The following SDC3 variants were observed in gnomAD, a reference collection of about 807,000 sequenced individuals.
SDC3 encodes the protein syndecan 3.
In SDC3, 13 loss-of-function variants were observed where a neutral mutation model predicts 24.4. The observed-to-expected ratio is 0.53, with a 90% confidence interval of 0.35 to 0.85. The LOEUF is 0.85. Among genes scored for constraint, SDC3 ranks in the 40% least tolerant of loss-of-function variants. The pLI is 0.01. For missense variants in SDC3, 571 were observed against 584.5 expected, an observed-to-expected ratio of 0.98 and a Z score of 0.24; for synonymous variants, 295 against 260.9, an observed-to-expected ratio of 1.13 and a Z score of -1.26.
intron 1 of SDC3, among the ~76,000 whole-genome samples, chr1:30,886,108 C>T (rs1393871643): frequency 6.6e-6 from 1 of 152,016 alleles, no homozygotes; most frequent in Non-Finnish European, 1.5e-5. Context: ...ACCCCACTCC[C>T]AGCTGCCCAC....
At chr1:30,901,177 G>T (rs1015044474) in intron 1 of SDC3, among the ~76,000 whole-genome samples, 1 of 152,174 alleles carries the variant, frequency 6.6e-6, no homozygotes, top group Non-Finnish European at 1.5e-5. Flanking sequence ...CTCAAGAGTG[G>T]TGGGAGGCTC....
chr1:30,900,456 A>C (rs1388957608), intron 1 of SDC3, among the ~76,000 whole-genome samples: 1 of 152,200 alleles, frequency 6.6e-6, no homozygotes, highest in East Asian at 1.9e-4. Context: ...GGCATTAAGC[A>C]AGGGGTGGAT....
intron 1 of SDC3, among the ~76,000 whole-genome samples, chr1:30,886,658 C>T (rs1036579693): frequency 2.0e-5 from 3 of 152,148 alleles, no homozygotes; most frequent in Admixed American, 6.5e-5. Flanking sequence ...TCAGTGAACT[C>T]CTGAACCCCT....
chr1:30,894,588 CGTGTGTGTGG>C (rs763253248), intron 1 of SDC3, among the ~76,000 whole-genome samples: 1 of 100,820 alleles, frequency 9.9e-6, no homozygotes, highest in South Asian at 3.5e-4. Context: ...GTGTGGGCTA[CGTGTGTGTGG>C]GTGTGTGTGG....
intron 1 of SDC3, among the ~76,000 whole-genome samples, chr1:30,897,523 T>C (rs1638297957): frequency 6.6e-6 from 1 of 152,114 alleles, no homozygotes; most frequent in Non-Finnish European, 1.5e-5. Flanking sequence ...AACAGATCCA[T>C]GTGGAAGCCA....
intron 1 of SDC3, among the ~76,000 whole-genome samples, chr1:30,887,081 C>T (rs1267539035): frequency 6.6e-6 from 1 of 152,172 alleles, no homozygotes; most frequent in Non-Finnish European, 1.5e-5. Context: ...CCACCTCACA[C>T]TCAGCTCCCT....
At position 30,877,286 on chromosome 1, in the gene SDC3, T is replaced by C. The variant is rs1240613880; in HGVS notation, c.257-121A>G. ...CCCAACCCCCTCTCTTTACCCAATT[T>C]TCCCAGAAAAGATGAGAGAAAGGAG... On this transcript the variant is annotated intron_variant, in intron 2 of 4. Coordinates refer to ENST00000339394, the MANE Select transcript of SDC3 (RefSeq NM_014654.4). The C allele has an allele frequency of 2.3e-6, 3 of 1,320,000 alleles. No individual in the cohort carries two copies. In the East Asian group the frequency reaches 7.5e-5, roughly 33 times the overall value. 81.8% of individuals were successfully genotyped at this position (1,320,000 alleles called of 1,614,324 possible).
At chr1:30,898,996 C>T (rs1638345576) in intron 1 of SDC3, among the ~76,000 whole-genome samples, 1 of 152,370 alleles carries the variant, frequency 6.6e-6, no homozygotes, top group African/African-American at 2.4e-5. Flanking sequence ...CTCACCACCA[C>T]CTAACGGGTC....
At chr1:30,888,381 C>T (rs1639861011) in intron 1 of SDC3, among the ~76,000 whole-genome samples, 1 of 152,172 alleles carries the variant, frequency 6.6e-6, no homozygotes, top group Admixed American at 6.5e-5. Context: ...GGTGAGGGGG[C>T]TCCAGGGACC....
rs1357062548 is a variant in SDC3, at chr1:30,869,690, C to A, written c.*3521G>T. 2.5e-6 allele frequency: 1 copy of A among 398,344 alleles called. No homozygotes were observed. The highest frequency in any genetic ancestry group is 2.1e-5 in the African/African-American group (1 of 48,510). 24.7% of individuals were successfully genotyped at this position (398,344 alleles called of 1,614,324 possible). A position where few individuals can be genotyped will look rare whatever the true frequency, so the allele number is the denominator to read the frequency against. On this transcript the variant is annotated 3_prime_UTR_variant, in exon 5 of 5. Transcript: ENST00000339394. Reference sequence around the variant, plus strand: ...TTATTTAAGGTTTTGGCCATGAACTCAGGACAGGTATGGTTAATAAACAGG... The same window carrying A: ...TTATTTAAGGTTTTGGCCATGAACTAAGGACAGGTATGGTTAATAAACAGG...
intron 1 of SDC3, among the ~76,000 whole-genome samples, chr1:30,907,135 C>A (rs1188402754): frequency 6.6e-6 from 1 of 152,204 alleles, no homozygotes; most frequent in Non-Finnish European, 1.5e-5. Flanking sequence ...GCTGGGCACC[C>A]AGTGTTGCTT....
At chr1:30,904,651 C>T (rs1638481584) in intron 1 of SDC3, among the ~76,000 whole-genome samples, 1 of 152,028 alleles carries the variant, frequency 6.6e-6, no homozygotes, top group Non-Finnish European at 1.5e-5. Flanking sequence ...AGTCACAGCC[C>T]CCAGTAGTGA....
Position 30,873,311 on chromosome 1 carries a change from C to A in SDC3, c.1229G>T (p.Arg410Leu), listed in dbSNP as rs767402418. 2 of 1,612,522 alleles carry A rather than the reference C, an allele frequency of 1.2e-6. No homozygotes were observed. The highest frequency in any genetic ancestry group is 1.7e-6 in the Non-Finnish European group (2 of 1,178,580). ...AAFLVTLLIY[R>L]MKKKDEGSYT... ...GCTGCCCTCATCCTTTTTCTTCATA[C>A]GATAGATGAGCAGTGTGACCAAGAA... The change falls in exon 5 of 5, where the codon CGT becomes CTT. Residue 410 changes from arginine (R) to leucine (L), a missense_variant. Transcript: ENST00000339394.
chr1:30,873,585 A>G (rs531748586), intron 4 of SDC3, among the ~76,000 whole-genome samples: 1 of 151,984 alleles, frequency 6.6e-6, no homozygotes, highest in African/African-American at 2.4e-5. Flanking sequence ...ACACTAACTC[A>G]CTGAACCCTC....
Position 30,873,000 on chromosome 1 carries a change from C to T in SDC3, c.*211G>A, listed in dbSNP as rs1039888254. On this transcript the variant is annotated 3_prime_UTR_variant, in exon 5 of 5. Transcript: ENST00000339394. Reference sequence around the variant, plus strand: ...GGATGAGGGGAACAAGAGATGAGCTCGTAAGGGCACAGTCTGGGGCAGATG... The same window carrying T: ...GGATGAGGGGAACAAGAGATGAGCTTGTAAGGGCACAGTCTGGGGCAGATG... 5.4e-5 allele frequency: 31 copies of T among 570,278 alleles called. No homozygotes were observed. The highest frequency in any genetic ancestry group is 2.0e-4 in the Admixed American group (6 of 30,654). 35.3% of individuals were successfully genotyped at this position (570,278 alleles called of 1,614,324 possible). A position where few individuals can be genotyped will look rare whatever the true frequency, so the allele number is the denominator to read the frequency against.
rs946390895 is a variant in SDC3 at position 30,878,615 on chromosome 1, G to C, written c.256+8C>G. The C allele has an allele frequency of 1.9e-6, 3 of 1,605,964 alleles. No homozygotes were observed. Among genetic ancestry groups the C allele is most frequent in the African/African-American group, 2.7e-5 (2 of 74,798 alleles). On this transcript the variant is annotated splice_region_variant and intron_variant, in intron 2 of 4. Coordinates refer to ENST00000339394, the MANE Select transcript of SDC3 (RefSeq NM_014654.4). ...CCCCCAGGCAGAGGTAGGGAGGGGG[G>C]TACTTACAGCCCGAGCCCGACCCCG...
intron 1 of SDC3, among the ~76,000 whole-genome samples, chr1:30,905,950 A>G (rs1269269648): frequency 8.4e-6 from 1 of 118,542 alleles, no homozygotes; most frequent in Non-Finnish European, 1.7e-5. Flanking sequence ...CCCATGCTGA[A>G]AGACACGAAG....
intron 1 of SDC3, among the ~76,000 whole-genome samples, chr1:30,900,636 C>T (rs531440078): frequency 3.9e-4 from 60 of 152,304 alleles, no homozygotes; most frequent in African/African-American, 7.2e-4. Context: ...GCATCCCCCA[C>T]GGAGCACCCC....
rs1639695414 is a variant in SDC3, at chr1:30,878,975, C to T, written c.139-235G>A. 9.8e-6 allele frequency: 5 copies of T among 507,776 alleles called. No homozygotes were observed. The South Asian group carries it at 1.4e-4, about 14-fold the overall frequency. 31.5% of individuals were successfully genotyped at this position (507,776 alleles called of 1,614,324 possible). A position where few individuals can be genotyped will look rare whatever the true frequency, so the allele number is the denominator to read the frequency against. ...CTTTCAGTGTCTGGCTGATGACTTT[C>T]TCTTAGAAACTGGTCATTTTTCATC... On this transcript the variant is annotated intron_variant, in intron 1 of 4. Transcript: ENST00000339394.
Sources: allele counts gnomAD v4.1 joint callset (sites outside exome capture counted in the v4.1 genomes callset), GRCh38; gene constraint gnomAD v4.1.1; transcripts MANE v1.5; gene names NCBI Gene and HGNC (gene_info 2026-07-23, HGNC 2026-07-21).